Variants in CDC73 observed in about 807,000 individuals in gnomAD.
The protein encoded by CDC73 is cell division cycle 73.
CDC73 carries 21 observed loss-of-function variants against 83.7 expected under a neutral mutation model. The observed-to-expected ratio is 0.25, with a 90% CI of 0.18 to 0.36. The LOEUF (loss-of-function observed/expected upper bound fraction) is 0.36, where lower values mean the gene tolerates loss of function less well. Ranked by LOEUF, CDC73 falls within the 10% of genes least tolerant of loss-of-function variation. CDC73 has a pLI of 1.00. For synonymous variants in CDC73, 224 were observed against 212.9 expected, an observed-to-expected ratio of 1.05 and a Z score of -0.45; for missense variants, 342 against 653.3, an observed-to-expected ratio of 0.52 and a Z score of 5.19.
chr1:193,181,679 CA>C, intron 10 of CDC73: 1 of 1,009,648 alleles, frequency 9.9e-7, no homozygotes, highest in Non-Finnish European at 1.4e-6. Context: ...CTCTTGTAGT[CA>C]TTCTATAAAA....
chr1:193,122,361 T>C lies in CDC73; in HGVS notation c.131+30T>C, dbSNP rs201573755. ...GTCCGGCATGGCTGTGGCCCAGGGG[T>C]GGCAGGGCAGAGTTGGGCGCCCCCA... On this transcript the variant is annotated intron_variant, in intron 1 of 16. Transcript: ENST00000367435. The C allele has an allele frequency of 5.3e-4, 858 of 1,613,674 alleles. 1 individual carries two copies. Among genetic ancestry groups the C allele is most frequent in the African/African-American group, 2.9e-3 (217 of 75,004 alleles).
intron 1 of CDC73, among the ~76,000 whole-genome samples, chr1:193,124,522 A>G (rs1182152670): frequency 6.6e-6 from 1 of 152,200 alleles, no homozygotes; most frequent in Non-Finnish European, 1.5e-5. Context: ...GAATGAGGTA[A>G]TATTAGTACC....
intron 10 of CDC73, among the ~76,000 whole-genome samples, chr1:193,200,646 C>G (rs187607539): frequency 6.6e-6 from 1 of 152,280 alleles, no homozygotes; most frequent in Non-Finnish European, 1.5e-5. Flanking sequence ...GTGCCGATAC[C>G]TTTCTTTTCC....
In CDC73 at chr1:193,161,715, AATATAATAT is replaced by A. The variant is rs1270792867; in HGVS notation, c.972+9284_972+9292del. Among the ~76,000 whole-genome samples the A allele has an allele frequency of 1.7e-4, 2 of 11,728 alleles. 1 individual carries two copies. The highest frequency in any genetic ancestry group is 4.2e-4 in the Non-Finnish European group (2 of 4,784). 7.7% of individuals were successfully genotyped at this position (11,728 alleles called of 152,430 possible). A position where few individuals can be genotyped will look rare whatever the true frequency, so the allele number is the denominator to read the frequency against. ...ATAATATATTATATATCTATCATATAATATAATATATATAATATATAATATATATCATAT... is the reference window on the plus strand; with the variant it reads ...ATAATATATTATATATCTATCATATAATATAATATATAATATATATCATAT... On this transcript the variant is annotated intron_variant, in intron 10 of 16. Coordinates refer to ENST00000367435, the MANE Select transcript of CDC73 (RefSeq NM_024529.5).
In CDC73 at chr1:193,122,801, G is replaced by A. The variant is rs1675484863; in HGVS notation, c.131+470G>A. 2.0e-5 allele frequency among the ~76,000 whole-genome samples: 3 copies of A among 152,028 alleles called. No homozygotes were observed. The South Asian group carries it at 6.2e-4, about 32-fold the overall frequency. On this transcript the variant is annotated intron_variant, in intron 1 of 16. Transcript: ENST00000367435. ...TTATTTCATCTCCTTTCATTGTTGGGGTGGGGGTGATTCCTGTAGAAGAGA... is the reference window on the plus strand; with the variant it reads ...TTATTTCATCTCCTTTCATTGTTGGAGTGGGGGTGATTCCTGTAGAAGAGA...
intron 9 of CDC73, among the ~76,000 whole-genome samples, chr1:193,150,703 T>C (rs1437556367): frequency 6.6e-6 from 1 of 152,232 alleles, no homozygotes; most frequent in African/African-American, 2.4e-5. Context: ...GCATGGATTC[T>C]GGATCCAGAT....
chr1:193,133,894 T>G (rs1675739615), intron 3 of CDC73, among the ~76,000 whole-genome samples: 1 of 151,046 alleles, frequency 6.6e-6, no homozygotes, highest in East Asian at 1.9e-4. Flanking sequence ...AAATTTAAAC[T>G]ATACGGAGAT....
At chr1:193,207,704 G>A (rs1460221273) in intron 11 of CDC73, among the ~76,000 whole-genome samples, 3 of 152,020 alleles carry the variant, frequency 2.0e-5, no homozygotes, top group Non-Finnish European at 2.9e-5. Context: ...CCTGAAAATC[G>A]TTGTTATTCT....
chr1:193,122,914 G>A (rs1048379560), intron 1 of CDC73, among the ~76,000 whole-genome samples: 3 of 152,172 alleles, frequency 2.0e-5, no homozygotes, highest in African/African-American at 7.2e-5. Context: ...AGGTCTTCAG[G>A]AGTTGGTGAA....
rs2102073224 is a variant in CDC73 at position 193,249,723 on chromosome 1, T to C, written c.1418-7T>C. 6.2e-7 allele frequency: 1 copy of C among 1,604,728 alleles called. No homozygotes were observed. Among genetic ancestry groups the C allele is most frequent in the Non-Finnish European group, 8.5e-7 (1 of 1,171,858 alleles). On this transcript the variant is annotated splice_polypyrimidine_tract_variant and splice_region_variant and intron_variant, in intron 15 of 16. Transcript: ENST00000367435. The stretch of plus-strand genomic sequence containing the variant: ...AAAATGATAACTTCTCTCCACCCTC[T>C]CTATAGTTAAAGCCTTCCATCTGAA...
chr1:193,180,598 T>C (rs1187636173), intron 10 of CDC73: 4 of 1,613,974 alleles, frequency 2.5e-6, no homozygotes, highest in African/African-American at 2.7e-5. Flanking sequence ...TTCTGCCAGA[T>C]CTCCAGAAAA....
chr1:193,226,348 T>C (rs1362486806), intron 13 of CDC73, among the ~76,000 whole-genome samples: 1 of 152,120 alleles, frequency 6.6e-6, no homozygotes, highest in Non-Finnish European at 1.5e-5. Flanking sequence ...GTCCTTATAG[T>C]GAAGAGAAGA....
In CDC73 at chr1:193,254,007, A is replaced by C. The variant is rs1572229048; in HGVS notation, c.*3295A>C. 4.5e-6 allele frequency: 1 copy of C among 222,752 alleles called. No individual in the cohort carries two copies. Among genetic ancestry groups the C allele is most frequent in the South Asian group, 1.8e-4 (1 of 5,442 alleles). The allele number at this position is 222,752 out of a possible 1,614,324, so 13.8% of individuals were successfully genotyped here. On this transcript the variant is annotated 3_prime_UTR_variant, in exon 17 of 17. Transcript: ENST00000367435. The stretch of plus-strand genomic sequence containing the variant: ...TAGCAGTATATTTTATAATATTACA[A>C]ATACAACAATTATTTATAAAAGCTA...
At chr1:193,200,219 A>T (rs189887765) in intron 10 of CDC73, among the ~76,000 whole-genome samples, 2,147 of 152,046 alleles carry the variant, frequency 0.014, 51 homozygotes, top group African/African-American at 0.048. Flanking sequence ...CTGTTTTTTT[A>T]AAAAAAAGTT....
At chr1:193,202,128 T>C (rs1289410819) in intron 10 of CDC73, among the ~76,000 whole-genome samples, 2 of 152,152 alleles carry the variant, frequency 1.3e-5, no homozygotes, top group African/African-American at 4.8e-5. Flanking sequence ...TATTATATAA[T>C]GTCTAGTTGA....
chr1:193,212,252 T>C, intron 12 of CDC73, 138 bp from the exon 13 acceptor site: 1 of 834,258 alleles, frequency 1.2e-6, no homozygotes, highest in South Asian at 1.7e-5. Context: ...TTATTAAATA[T>C]TTTTTAATAT....
chr1:193,233,491 A>G (rs1207672067), intron 14 of CDC73, among the ~76,000 whole-genome samples: 1 of 152,266 alleles, frequency 6.6e-6, no homozygotes, highest in Non-Finnish European at 1.5e-5. Flanking sequence ...ATGTATATTT[A>G]CTTTGGTCAT....
At chr1:193,238,025 G>A (rs1240614933) in intron 15 of CDC73, among the ~76,000 whole-genome samples, 1 of 152,022 alleles carries the variant, frequency 6.6e-6, no homozygotes, top group Admixed American at 6.5e-5. Context: ...GTTGAATAAT[G>A]TTTCAACAAA....
At chr1:193,242,960 T>C (rs1237045760) in intron 15 of CDC73, among the ~76,000 whole-genome samples, 1 of 151,708 alleles carries the variant, frequency 6.6e-6, no homozygotes, top group Non-Finnish European at 1.5e-5. Context: ...TTCTTCTTTT[T>C]TTTTTTTTTG....
Sources: allele counts gnomAD v4.1 joint callset (sites outside exome capture counted in the v4.1 genomes callset), GRCh38; gene constraint gnomAD v4.1.1; transcripts MANE v1.5; gene names NCBI Gene and HGNC (gene_info 2026-07-23, HGNC 2026-07-21).